PSMA4: variants seen among roughly 807,000 people sequenced by gnomAD.
PSMA4 encodes proteasome subunit alpha type-4.
PSMA4 carries 8 observed loss-of-function variants against 37.2 expected under a neutral mutation model. The observed-to-expected ratio is 0.22, with a 90% CI of 0.13 to 0.39. The LOEUF (loss-of-function observed/expected upper bound fraction) is 0.39. PSMA4 is among the 10% of genes least tolerant of loss of function. PSMA4 has a pLI of 1.00. For missense variants in PSMA4, 169 were observed against 305.1 expected (o/e 0.55, Z 3.32); for synonymous variants, 93 against 98.8 (o/e 0.94, Z 0.35).
chr15:78,546,127 T>C (rs930339545), intron 7 of PSMA4, among the ~76,000 whole-genome samples: 33 of 152,058 alleles, frequency 2.2e-4, no homozygotes, highest in African/African-American at 8.0e-4. Flanking sequence ...CCCCGTGCCG[T>C]GTGTGCCCTC....
At position 78,546,693 on chromosome 15, in the gene PSMA4, A is replaced by G. The variant is rs754880889; in HGVS notation, c.626A>G (p.Glu209Gly). 1 of 1,596,524 alleles carries G rather than the reference A, an allele frequency of 6.3e-7. No individual in the cohort carries two copies. The highest frequency in any genetic ancestry group is 8.5e-7 in the Non-Finnish European group (1 of 1,175,088). The change falls in exon 8 of 9, where the codon GAA becomes GGA. Residue 209 changes from glutamate to glycine, a missense_variant. Physicochemically the swap from Glu to Gly is moderately conservative, Grantham distance 98 (BLOSUM62 -2). Around this residue, in one of 2 missense-constraint regions of PSMA4, gnomAD observed 90 missense variants for 92.7 expected, o/e 0.97. Coordinates refer to ENST00000044462, the MANE Select transcript of PSMA4 (RefSeq NM_002789.6). ...ATGGATGTTAGTAAACTCTCTGCTG[A>G]AAAAGGTAATTCATATCCTCTCCTT... is the stretch of plus-strand genomic sequence containing the variant. ...KTMDVSKLSA[E>G]KVEIATLTRE...
chr15:78,548,908 G>T lies in PSMA4; in HGVS notation c.750G>T (p.Glu250Asp). The T allele has an allele frequency of 6.2e-7, 1 of 1,609,496 alleles. No individual in the cohort carries two copies. Among genetic ancestry groups the T allele is most frequent in the South Asian group, 1.1e-5 (1 of 89,784 alleles). ...HEEEEAKAER[E>D]KKEKEQKEKD... ...AAGAAGAAGCCAAAGCTGAGCGTGA[G>T]AAGAAAGAAAAAGAACAGAAAGAAA... Residue 250 changes from glutamate (E) to aspartate (D), a missense_variant, in exon 9 of 9, where the codon GAG becomes GAT. Glu to Asp is a conservative substitution (Grantham distance 45). Around this residue, in one of 2 missense-constraint regions of PSMA4, gnomAD observed 90 missense variants for 92.7 expected, o/e 0.97. Coordinates refer to ENST00000044462, the MANE Select transcript of PSMA4 (RefSeq NM_002789.6).
rs889776646 is a variant in PSMA4, at chr15:78,550,190, A to G, written c.*1246A>G. 6.6e-5 allele frequency: 10 copies of G among 152,206 alleles called. No homozygotes were observed. Among genetic ancestry groups the G allele is most frequent in the African/African-American group, 1.7e-4 (7 of 41,450 alleles). The allele number at this position is 152,206 out of a possible 1,614,324, so 9.4% of individuals were successfully genotyped here. A position where few individuals can be genotyped will look rare whatever the true frequency, so the allele number is the denominator to read the frequency against. On this transcript the variant is annotated 3_prime_UTR_variant, in exon 9 of 9. Coordinates refer to ENST00000044462, the MANE Select transcript of PSMA4 (RefSeq NM_002789.6). ...AGAGAAAGTACTGGGTTAGGGTCCT[A>G]CAAGCCACTGGTCACATTTTTATCA...
chr15:78,547,195 T>A (rs1350282712), intron 8 of PSMA4, among the ~76,000 whole-genome samples: 1 of 152,214 alleles, frequency 6.6e-6, no homozygotes, highest in Admixed American at 6.5e-5. Context: ...TTGACCAAGA[T>A]CAACATTGGT....
intron 5 of PSMA4, 105 bp from the exon 6 acceptor site, chr15:78,544,764 T>A: frequency 1.5e-6 from 1 of 663,578 alleles, no homozygotes; most frequent in Non-Finnish European, 2.6e-6. Flanking sequence ...TACAAATGAC[T>A]GTTAGGTTGT....
At chr15:78,545,565 G>A (rs1054273247) in intron 6 of PSMA4, 69 bp from the exon 7 acceptor site, 9 of 1,536,710 alleles carry the variant, frequency 5.9e-6, no homozygotes, top group Non-Finnish European at 8.1e-6. Flanking sequence ...TACCTTCACT[G>A]AGCTCAAGTA....
intron 8 of PSMA4, among the ~76,000 whole-genome samples, chr15:78,547,674 T>C (rs1567038832): frequency 6.7e-6 from 1 of 150,336 alleles, no homozygotes; most frequent in Non-Finnish European, 1.5e-5. Context: ...CATCTCTACT[T>C]AAAATACAAA....
At chr15:78,545,473 C>T (rs910195910) in intron 6 of PSMA4, among the ~76,000 whole-genome samples, 161 bp from the exon 7 acceptor site, 7 of 152,144 alleles carry the variant, frequency 4.6e-5, no homozygotes, top group African/African-American at 1.7e-4. Context: ...AAACAAAAGT[C>T]GAATTTGTAA....
rs777701656 is a variant in PSMA4, at chr15:78,544,240, C to T, written c.260C>T (p.Thr87Ile). Reference sequence around the variant, plus strand: ...ATAACTTCTGATGCTAATGTTCTGACTAATGAACTAAGGCTCATTGCTCAA... The same window carrying T: ...ATAACTTCTGATGCTAATGTTCTGATTAATGAACTAAGGCTCATTGCTCAA... ...AGITSDANVL[T>I]NELRLIAQRY... Residue 87 changes from threonine to isoleucine, a missense_variant, in exon 5 of 9, where the codon ACT (threonine) becomes ATT (isoleucine). Thr to Ile is a moderately conservative substitution (Grantham distance 89). This residue lies in a region of PSMA4 where 79 missense variants were observed against 212.4 expected (regional missense o/e 0.37). Transcript: ENST00000044462. 1.2e-6 allele frequency: 2 copies of T among 1,613,128 alleles called. No individual in the cohort carries two copies. Among genetic ancestry groups the T allele is most frequent in the Non-Finnish European group, 1.7e-6 (2 of 1,179,334 alleles).
chr15:78,547,434 G>A (rs569487163), intron 8 of PSMA4, among the ~76,000 whole-genome samples: 16 of 152,318 alleles, frequency 1.1e-4, no homozygotes, highest in African/African-American at 3.4e-4. Flanking sequence ...CAACATTTGC[G>A]TGGGTTGTGA....
chr15:78,544,980 T>G (rs1364006016), intron 6 of PSMA4, 23 bp downstream of exon 6: 1 of 1,542,924 alleles, frequency 6.5e-7, no homozygotes, highest in Non-Finnish European at 8.9e-7. Flanking sequence ...TTTGAAAATT[T>G]TATTCGAAAA....
rs1370599451 is a variant in PSMA4, at chr15:78,549,981, A to C, written c.*1037A>C. On this transcript the variant is annotated 3_prime_UTR_variant, in exon 9 of 9. Transcript: ENST00000044462. ...TGCTCCCAGTCTAATTTCTCATTGT[A>C]GATTTTCTTAATGCAGCTCCCTGCA... 1.3e-5 allele frequency: 2 copies of C among 152,516 alleles called. No individual in the cohort carries two copies. The highest frequency in any genetic ancestry group is 2.4e-5 in the African/African-American group (1 of 41,446). The allele number at this position is 152,516 out of a possible 1,614,324, so 9.4% of individuals were successfully genotyped here. A position where few individuals can be genotyped will look rare whatever the true frequency, so the allele number is the denominator to read the frequency against.
chr15:78,544,475 A>G lies in PSMA4; in HGVS notation c.287+208A>G, dbSNP rs186787313. 9.5e-4 allele frequency: 471 copies of G among 497,410 alleles called. 4 individuals are homozygous for G. The highest frequency in any genetic ancestry group is 7.8e-3 in the East Asian group (212 of 27,166). The allele number at this position is 497,410 out of a possible 1,614,324, so 30.8% of individuals were successfully genotyped here. On this transcript the variant is annotated intron_variant, in intron 5 of 8. Transcript: ENST00000044462. ...ACCACCACACCGGGTTAATTTTTGT[A>G]TTTTTAGTAGAGACGGGGTTTCACT... is the stretch of plus-strand genomic sequence containing the variant.
rs374383865 is a variant in PSMA4 at position 78,542,168 on chromosome 15, C to A, written c.4-9C>A. 2.6e-5 allele frequency: 42 copies of A among 1,611,626 alleles called. No homozygotes were observed. In the African/African-American group the frequency reaches 5.5e-4, roughly 21 times the overall value. ...GGGTAGGAATCACTCATGTGTTTTT[C>A]CTTTGCAGTCTCGAAGATATGACTC... On this transcript the variant is annotated splice_polypyrimidine_tract_variant and intron_variant, in intron 2 of 8. Coordinates refer to ENST00000044462, the MANE Select transcript of PSMA4 (RefSeq NM_002789.6).
At chr15:78,548,196 A>T (rs1481519382) in intron 8 of PSMA4, among the ~76,000 whole-genome samples, 1 of 151,800 alleles carries the variant, frequency 6.6e-6, no homozygotes, top group Non-Finnish European at 1.5e-5. Context: ...GCGCCATTGC[A>T]CTCCAGCCTG....
chr15:78,545,730 G>T lies in PSMA4; in HGVS notation c.473G>T (p.Gly158Val), dbSNP rs1567036961. The T allele has an allele frequency of 6.2e-7, 1 of 1,614,148 alleles. No homozygotes were observed. The highest frequency in any genetic ancestry group is 8.5e-7 in the Non-Finnish European group (1 of 1,179,994). The change falls in exon 7 of 9, where the codon GGA (glycine) becomes GTA (valine). Residue 158 changes from glycine (G) to valine (V), a missense_variant. Gly to Val is a moderately radical substitution (Grantham distance 109). This residue lies in a region of PSMA4 where 79 missense variants were observed against 212.4 expected (regional missense o/e 0.37). Transcript: ENST00000044462. Reference protein sequence around the residue: ...YQSDPSGNYGGWKATCIGNNS... With the variant: ...YQSDPSGNYGVWKATCIGNNS... ...AGTGACCCTAGTGGAAATTACGGGG[G>T]ATGGAAGGCCACATGCATTGGAAAT...
At chr15:78,543,477 T>G (rs1187263676) in intron 4 of PSMA4, among the ~76,000 whole-genome samples, 3 of 151,616 alleles carry the variant, frequency 2.0e-5, no homozygotes, top group African/African-American at 7.3e-5. Flanking sequence ...AGCAGGCTTG[T>G]AAACCCTCCT....
Position 78,548,997 on chromosome 15 carries a change from C to T in PSMA4, c.*53C>T. 6.4e-7 allele frequency: 1 copy of T among 1,552,658 alleles called. No homozygotes were observed. ...GCACCATTTCAGTGTAAAAGCAGTCCTACTCTTCCACACTAGGAAGGCTTT... is the reference window on the plus strand; with the variant it reads ...GCACCATTTCAGTGTAAAAGCAGTCTTACTCTTCCACACTAGGAAGGCTTT... On this transcript the variant is annotated 3_prime_UTR_variant, in exon 9 of 9. Transcript: ENST00000044462.
chr15:78,548,293 A>G (rs1024978333), intron 8 of PSMA4, among the ~76,000 whole-genome samples: 1 of 151,896 alleles, frequency 6.6e-6, no homozygotes, highest in African/African-American at 2.4e-5. Flanking sequence ...GTCTACTTCC[A>G]CCCAGTTTCA....
Sources: gnomAD v4.1 joint callset for allele counts (sites outside exome capture counted in the v4.1 genomes callset) on GRCh38, gnomAD v4.1.1 for gene constraint, gnomAD v4.1.1 regional missense constraint, MANE v1.5 for transcripts, NCBI Gene and HGNC (gene_info 2026-07-23, HGNC 2026-07-21) for gene names.